The following GPT2 variants were observed in gnomAD, a reference collection of about 807,000 sequenced individuals.
GPT2 encodes alanine aminotransferase 2.
In GPT2, 30 loss-of-function variants were observed where a neutral mutation model predicts 56.9. The ratio of observed to expected loss-of-function variants is 0.53; its 90% CI spans 0.39 to 0.72. GPT2 has a LOEUF of 0.72. Among genes scored for constraint, GPT2 ranks in the 30% least tolerant of loss-of-function variants. GPT2 has a pLI of 0.00. For missense variants in GPT2, 542 were observed against 703.4 expected (o/e 0.77, Z 2.60); for synonymous variants, 271 against 283.1 (o/e 0.96, Z 0.43).
chr16:46,918,284 C>A (rs903588655), intron 7 of GPT2, among the ~76,000 whole-genome samples: 2 of 152,104 alleles, frequency 1.3e-5, no homozygotes, highest in Non-Finnish European at 2.9e-5. Context: ...AAGGAAGCAC[C>A]GTGCTTTAGG....
At chr16:46,914,101 C>T (rs116566325) in intron 6 of GPT2, among the ~76,000 whole-genome samples, 18 of 152,260 alleles carry the variant, frequency 1.2e-4, no homozygotes, top group African/African-American at 3.9e-4. Context: ...CAGATATTCC[C>T]GGTGCCACAC....
rs1369282781 is a variant in GPT2 at position 46,922,565 on chromosome 16, C to T, written c.1212+149C>T. The T allele has an allele frequency of 5.8e-6, 4 of 691,358 alleles. No individual in the cohort carries two copies. The Admixed American group carries it at 1.3e-4, about 22-fold the overall frequency. The allele number at this position is 691,358 out of a possible 1,614,324, so 42.8% of individuals were successfully genotyped here. On this transcript the variant is annotated intron_variant, in intron 9 of 11. Transcript: ENST00000340124. ...CACTCATGGCTCTTCAGAGCCTGAA[C>T]CACCCCTATGAGTTGAAGTCTGGAA... is the stretch of plus-strand genomic sequence containing the variant.
intron 2 of GPT2, 83 bp downstream of exon 2, chr16:46,885,041 C>T: frequency 1.4e-6 from 2 of 1,381,414 alleles, no homozygotes; most frequent in Non-Finnish European, 1.9e-6. Context: ...GTCCTTCCCA[C>T]GACGTCCACC....
In GPT2 at chr16:46,918,663, T is replaced by G. The variant is rs769282920; in HGVS notation, c.943T>G (p.Ser315Ala). Residue 315 changes from serine (S) to alanine (A), a missense_variant, in exon 8 of 12, where the codon TCC (serine) becomes GCC (alanine). By Grantham distance (99) the Ser-to-Ala change is moderately conservative (BLOSUM62 1). Transcript: ENST00000340124. The part of the protein sequence containing the change: ...NVYSPDCRFH[S>A]FKKVLYEMGP... Reference sequence around the variant, plus strand: ...GTACTCTCCAGATTGCAGATTCCACTCCTTCAAGAAGGTGCTGTACGAGAT... The same window carrying G: ...GTACTCTCCAGATTGCAGATTCCACGCCTTCAAGAAGGTGCTGTACGAGAT... The G allele has an allele frequency of 6.2e-7, 1 of 1,614,134 alleles. No homozygotes were observed. The highest frequency in any genetic ancestry group is 8.5e-7 in the Non-Finnish European group (1 of 1,180,000).
At chr16:46,921,796 C>T (rs1567343031) in intron 8 of GPT2, among the ~76,000 whole-genome samples, 1 of 152,036 alleles carries the variant, frequency 6.6e-6, no homozygotes, top group Non-Finnish European at 1.5e-5. Flanking sequence ...GTGGGAGGAT[C>T]GCTTGAGGCC....
rs143830468 is a variant in GPT2, at chr16:46,928,992, G to C, written c.1567G>C (p.Ala523Pro). 15 of 1,613,324 alleles carry C rather than the reference G, an allele frequency of 9.3e-6. No homozygotes were observed. In the African/African-American group the frequency reaches 1.9e-4, roughly 20 times the overall value. ...DFHINFLEKYA is the reference protein window; with the variant it reads ...DFHINFLEKYP ...CCACATCAACTTCCTGGAGAAGTAC[G>C]CGTGAGGACGCCTGAGCCCCAGCGG... The change falls in exon 12 of 12, where the codon GCG becomes CCG. Residue 523 changes from alanine to proline, a missense_variant. By Grantham distance (27) the Ala-to-Pro change is conservative (BLOSUM62 -1). Coordinates refer to ENST00000340124, the MANE Select transcript of GPT2 (RefSeq NM_133443.4).
At chr16:46,903,935 G>A (rs1960870312) in intron 4 of GPT2, among the ~76,000 whole-genome samples, 1 of 152,246 alleles carries the variant, frequency 6.6e-6, no homozygotes, top group Non-Finnish European at 1.5e-5. Flanking sequence ...GAGAGGAAGA[G>A]CTTAAGGGGA....
intron 2 of GPT2, 108 bp downstream of exon 2, chr16:46,885,066 C>T: frequency 7.4e-7 from 1 of 1,354,914 alleles, no homozygotes; most frequent in Non-Finnish European, 9.5e-7. Flanking sequence ...TGGCCAGCTC[C>T]TCAGTCAGCC....
intron 3 of GPT2, among the ~76,000 whole-genome samples, chr16:46,899,084 T>G (rs1267672542): frequency 6.9e-6 from 1 of 145,856 alleles, no homozygotes; most frequent in Non-Finnish European, 1.5e-5. Flanking sequence ...CAGGCTGGAG[T>G]GCGATTGTCA....
intron 7 of GPT2, among the ~76,000 whole-genome samples, chr16:46,918,065 T>C (rs1304965637): frequency 1.3e-5 from 2 of 152,138 alleles, no homozygotes; most frequent in African/African-American, 2.4e-5. Context: ...AGGGTGGGTG[T>C]CTGCCAGCTG....
intron 2 of GPT2, among the ~76,000 whole-genome samples, chr16:46,887,361 G>A (rs766637578): frequency 2.0e-4 from 31 of 152,230 alleles, no homozygotes; most frequent in Non-Finnish European, 3.4e-4. Context: ...CCAGCTACTC[G>A]GCAGGCTAAG....
intron 9 of GPT2, 31 bp downstream of exon 9, chr16:46,922,447 G>A (rs1961310879): frequency 3.2e-6 from 5 of 1,565,774 alleles, no homozygotes; most frequent in Middle Eastern, 3.4e-4. Flanking sequence ...CTGCACCCCT[G>A]TGGCCGGGGT....
chr16:46,922,451 C>T, intron 9 of GPT2, 35 bp downstream of exon 9: 1 of 1,561,014 alleles, frequency 6.4e-7, no homozygotes, highest in Non-Finnish European at 8.7e-7. Flanking sequence ...ACCCCTGTGG[C>T]CGGGGTCACG....
intron 8 of GPT2, among the ~76,000 whole-genome samples, chr16:46,919,685 A>G (rs563914303): frequency 6.6e-6 from 1 of 152,316 alleles, no homozygotes; most frequent in African/African-American, 2.4e-5. Context: ...ACTTGTGTTC[A>G]GCATGAGATA....
At position 46,916,616 on chromosome 16, in the gene GPT2, G is replaced by T. The variant is rs775404576; in HGVS notation, c.821-12G>T. The T allele has an allele frequency of 3.7e-6, 6 of 1,609,652 alleles. No individual in the cohort carries two copies. The highest frequency in any genetic ancestry group is 5.1e-6 in the Non-Finnish European group (6 of 1,175,956). On this transcript the variant is annotated splice_polypyrimidine_tract_variant and intron_variant, in intron 6 of 11. Coordinates refer to ENST00000340124, the MANE Select transcript of GPT2 (RefSeq NM_133443.4). ...TACAACCGACATTTTGGTTTTCTTG[G>T]GGATTTTATAGGCCAGGTACAAAGC...
At chr16:46,896,937 C>T (rs1960695521) in intron 2 of GPT2, among the ~76,000 whole-genome samples, 2 of 152,208 alleles carry the variant, frequency 1.3e-5, no homozygotes. Context: ...GTGGTTCACC[C>T]CTGTAACCCC....
intron 9 of GPT2, chr16:46,924,125 CA>C: frequency 1.8e-5 from 9 of 490,976 alleles, no homozygotes; most frequent in South Asian, 1.3e-4. Context: ...CAGGCTCACA[CA>C]AGCTCTTCTT....
intron 7 of GPT2, 75 bp downstream of exon 7, chr16:46,916,782 C>A: frequency 9.9e-7 from 1 of 1,010,292 alleles, no homozygotes; most frequent in Non-Finnish European, 1.6e-6. Context: ...CCCCATTGTT[C>A]TGCAGCCAGA....
At chr16:46,907,533 G>C (rs1013586250) in intron 5 of GPT2, among the ~76,000 whole-genome samples, 1 of 152,232 alleles carries the variant, frequency 6.6e-6, no homozygotes, top group Non-Finnish European at 1.5e-5. Flanking sequence ...TGAACTGGGA[G>C]AGGGGGTGTG....
Sources: gnomAD v4.1 joint callset for allele counts (sites outside exome capture counted in the v4.1 genomes callset) on GRCh38, gnomAD v4.1.1 for gene constraint, MANE v1.5 for transcripts, NCBI Gene and HGNC (gene_info 2026-07-23, HGNC 2026-07-21) for gene names.